PHACTR2: variants seen among roughly 807,000 people sequenced by gnomAD.
PHACTR2 encodes the protein chromosome 6 open reading frame 56.
Under a neutral mutation model 76.0 loss-of-function variants are expected in PHACTR2, and 30 were observed. The observed-to-expected ratio is 0.39, with a 90% confidence interval of 0.30 to 0.54. The LOEUF is 0.54. Among genes scored for constraint, PHACTR2 ranks in the 20% least tolerant of loss-of-function variants. PHACTR2 has a pLI of 0.61. For synonymous variants in PHACTR2, 292 were observed against 292.5 expected, an observed-to-expected ratio of 1.00 and a Z score of 0.02; for missense variants, 696 against 781.1, an observed-to-expected ratio of 0.89 and a Z score of 1.30.
intron 10 of PHACTR2, among the ~76,000 whole-genome samples, chr6:143,786,539 C>T (rs1775561352): frequency 6.6e-6 from 1 of 152,152 alleles, no homozygotes; most frequent in Admixed American, 6.5e-5. Flanking sequence ...AGGAACACCC[C>T]ACTCCTGGTA....
intron 1 of PHACTR2, among the ~76,000 whole-genome samples, chr6:143,703,876 G>T (rs769513600): frequency 1.4e-4 from 21 of 152,066 alleles, no homozygotes; most frequent in Non-Finnish European, 2.8e-4. Context: ...TAGATATTTA[G>T]ATCGTTTCTT....
intron 1 of PHACTR2, among the ~76,000 whole-genome samples, chr6:143,560,238 G>C (rs1775247740): frequency 6.6e-6 from 1 of 152,184 alleles, no homozygotes; most frequent in South Asian, 2.1e-4. Context: ...AGTACTCACA[G>C]AAAGGATTTT....
intron 1 of PHACTR2, among the ~76,000 whole-genome samples, chr6:143,590,328 G>A (rs1775676179): frequency 6.6e-6 from 1 of 152,094 alleles, no homozygotes; most frequent in African/African-American, 2.4e-5. Context: ...ACATCACAGT[G>A]TTTCATGCAA....
In PHACTR2 at chr6:143,708,514, C is replaced by T. The variant is rs1208394907; in HGVS notation, c.47-3502C>T. Among the ~76,000 whole-genome samples the T allele has an allele frequency of 2.6e-5, 4 of 152,136 alleles. No homozygotes were observed. The highest frequency in any genetic ancestry group is 3.8e-4 in the East Asian group (2 of 5,198). ...TCTGGGATTTACCTGGCAGTTTGTTCTTATCTGCATGTAAATGCAAAATTC... is the reference window on the plus strand; with the variant it reads ...TCTGGGATTTACCTGGCAGTTTGTTTTTATCTGCATGTAAATGCAAAATTC... On this transcript the variant is annotated intron_variant, in intron 1 of 12. Transcript: ENST00000440869. The surrounding 1 kb of genome is among the most constrained non-coding windows in gnomAD (Gnocchi z 5.5).
chr6:143,791,372 T>C lies in PHACTR2; in HGVS notation c.1845+2462T>C, dbSNP rs1377678960. Among the ~76,000 whole-genome samples, 1 of 152,220 alleles carries C rather than the reference T, an allele frequency of 6.6e-6. No homozygotes were observed. The highest frequency in any genetic ancestry group is 1.5e-5 in the Non-Finnish European group (1 of 68,048). Reference sequence around the variant, plus strand: ...ACAAGCACTGAAGGTTAGAAATGACTCTGTGTGTCAGTGATTTGCAACCTT... The same window carrying C: ...ACAAGCACTGAAGGTTAGAAATGACCCTGTGTGTCAGTGATTTGCAACCTT... On this transcript the variant is annotated intron_variant, in intron 11 of 12. Coordinates refer to ENST00000440869, the MANE Select transcript of PHACTR2 (RefSeq NM_001100164.2). This position sits in a 1 kb window ranked among gnomAD's most constrained non-coding sequence, Gnocchi z 4.7.
At chr6:143,574,854 T>G (rs1775487125) in intron 1 of PHACTR2, among the ~76,000 whole-genome samples, 1 of 152,124 alleles carries the variant, frequency 6.6e-6, no homozygotes. Flanking sequence ...TTTTAAAAAC[T>G]AAAGGCGTGG....
At chr6:143,651,344 A>G (rs74699697) in intron 1 of PHACTR2, among the ~76,000 whole-genome samples, 307 of 152,352 alleles carry the variant, frequency 2.0e-3, no homozygotes, top group African/African-American at 7.0e-3. Context: ...TACTGGGTGT[A>G]TACCCAAAGA....
chr6:143,687,330 A>G (rs2128455089), intron 1 of PHACTR2, among the ~76,000 whole-genome samples: 1 of 152,356 alleles, frequency 6.6e-6, no homozygotes, highest in Non-Finnish European at 1.5e-5. Context: ...GGAAACAAGA[A>G]TTGTAAGAAT....
chr6:143,721,599 T>G (rs1232779299), intron 2 of PHACTR2, among the ~76,000 whole-genome samples: 1 of 151,890 alleles, frequency 6.6e-6, no homozygotes, highest in Admixed American at 6.6e-5. Context: ...TGTGTTGGCC[T>G]GAAACAAATT....
intron 1 of PHACTR2, among the ~76,000 whole-genome samples, chr6:143,545,511 TC>T (rs1179074396): frequency 6.6e-6 from 1 of 152,148 alleles, no homozygotes; most frequent in Non-Finnish European, 1.5e-5. Context: ...CTGCATTATT[TC>T]CCCACATGAT....
rs569024387 is a variant in PHACTR2 at position 143,777,597 on chromosome 6, G to A, written c.1645+214G>A. Among the ~76,000 whole-genome samples, 22 of 151,606 alleles carry A rather than the reference G, an allele frequency of 1.5e-4. No homozygotes were observed. In the South Asian group the frequency reaches 1.7e-3, roughly 11 times the overall value. On this transcript the variant is annotated intron_variant, in intron 9 of 12. Coordinates refer to ENST00000440869, the MANE Select transcript of PHACTR2 (RefSeq NM_001100164.2). The surrounding 1 kb of genome is among the most constrained non-coding windows in gnomAD (Gnocchi z 4.6). Reference sequence around the variant, plus strand: ...TTTTATGGCTTTGAGCCTTATACCCGCCCCTAGAGCAGAGTCATGGTCATG... The same window carrying A: ...TTTTATGGCTTTGAGCCTTATACCCACCCCTAGAGCAGAGTCATGGTCATG...
Position 143,784,051 on chromosome 6 carries a change from A to G in PHACTR2, c.1707+771A>G, listed in dbSNP as rs1231463130. ...TTAGAACAATGAAAAAAAAAAAGAAAAAAAGAAGTGAAAAAAGTTTTTAAT... is the reference window on the plus strand; with the variant it reads ...TTAGAACAATGAAAAAAAAAAAGAAGAAAAGAAGTGAAAAAAGTTTTTAAT... On this transcript the variant is annotated intron_variant, in intron 10 of 12. Coordinates refer to ENST00000440869, the MANE Select transcript of PHACTR2 (RefSeq NM_001100164.2). This position sits in a 1 kb window ranked among gnomAD's most constrained non-coding sequence, Gnocchi z 4.5. Among the ~76,000 whole-genome samples, 1 of 152,128 alleles carries G rather than the reference A, an allele frequency of 6.6e-6. No individual in the cohort carries two copies. Among genetic ancestry groups the G allele is most frequent in the Non-Finnish European group, 1.5e-5 (1 of 68,016 alleles).
intron 1 of PHACTR2, among the ~76,000 whole-genome samples, chr6:143,609,273 A>G (rs1775938987): frequency 6.6e-6 from 1 of 152,248 alleles, no homozygotes; most frequent in African/African-American, 2.4e-5. Context: ...CGGCACAGGT[A>G]GCATAGGCTA....
chr6:143,611,228 A>T lies in PHACTR2; in HGVS notation c.13+2906A>T, dbSNP rs915974715. ...TTGATATCAAGATATTTCAGTTACC[A>T]TGTGTGGGTTGAAAGAGCCACACTC... On this transcript the variant is annotated intron_variant, in intron 1 of 11. Coordinates refer to the PHACTR2 transcript ENST00000305766. The surrounding 1 kb of genome is among the most constrained non-coding windows in gnomAD (Gnocchi z 4.4). Among the ~76,000 whole-genome samples, 8 of 152,072 alleles carry T rather than the reference A, an allele frequency of 5.3e-5. No homozygotes were observed. Among genetic ancestry groups the T allele is most frequent in the African/African-American group, 1.9e-4 (8 of 41,396 alleles).
chr6:143,673,453 T>A (rs967599878), upstream of PHACTR2, among the ~76,000 whole-genome samples: 1 of 152,042 alleles, frequency 6.6e-6, no homozygotes, highest in East Asian at 1.9e-4. Flanking sequence ...TTTCTAGGGA[T>A]GGATGTGATG....
At position 143,589,123 on chromosome 6, in the gene PHACTR2, G is replaced by A. The variant is rs1775660804; in HGVS notation, c.217+51916G>A. ...CTGGAGGCTGGAAGTCCAAGATCAAGGTGTTAGCAGGTATGGTCTCTTCCT... is the reference window on the plus strand; with the variant it reads ...CTGGAGGCTGGAAGTCCAAGATCAAAGTGTTAGCAGGTATGGTCTCTTCCT... On this transcript the variant is annotated intron_variant, in intron 1 of 11. Coordinates refer to the PHACTR2 transcript ENST00000367584. This position sits in a 1 kb window ranked among gnomAD's most constrained non-coding sequence, Gnocchi z 4.4. 6.6e-6 allele frequency among the ~76,000 whole-genome samples: 1 copy of A among 152,200 alleles called. No individual in the cohort carries two copies. Among genetic ancestry groups the A allele is most frequent in the Non-Finnish European group, 1.5e-5 (1 of 68,038 alleles).
In PHACTR2 at chr6:143,672,125, G is replaced by C. The variant is rs1457598627; in HGVS notation, c.14-39891G>C. Among the ~76,000 whole-genome samples, 1 of 152,120 alleles carries C rather than the reference G, an allele frequency of 6.6e-6. No individual in the cohort carries two copies. The highest frequency in any genetic ancestry group is 1.5e-5 in the Non-Finnish European group (1 of 68,028). On this transcript the variant is annotated intron_variant, in intron 1 of 11. Transcript: ENST00000305766. This position sits in a 1 kb window ranked among gnomAD's most constrained non-coding sequence, Gnocchi z 5.8. ...AAAGGACATGATGGAATACCTTAGG[G>C]ATCTCAAAGTTTTCTGACACTTGAG...
rs1775738595 is a variant in PHACTR2, at chr6:143,595,536, C to G, written c.217+58329C>G. ...CTAACATATTTTTAATTCAGACTTT[C>G]ACAGAGCAAGCTATAAGGTGTGTCT... is the stretch of plus-strand genomic sequence containing the variant. On this transcript the variant is annotated intron_variant, in intron 1 of 11. Coordinates refer to the PHACTR2 transcript ENST00000367584. The surrounding 1 kb of genome is among the most constrained non-coding windows in gnomAD (Gnocchi z 4.2). Among the ~76,000 whole-genome samples the G allele has an allele frequency of 1.3e-5, 2 of 152,208 alleles. No individual in the cohort carries two copies. Among genetic ancestry groups the G allele is most frequent in the Admixed American group, 1.3e-4 (2 of 15,282 alleles).
intron 6 of PHACTR2, among the ~76,000 whole-genome samples, chr6:143,769,267 T>C (rs1483076017): frequency 6.6e-6 from 1 of 152,156 alleles, no homozygotes; most frequent in Non-Finnish European, 1.5e-5. Context: ...ATAAGCCCAT[T>C]TGGAGGCCAT....
Sources: allele counts gnomAD v4.1 joint callset (sites outside exome capture counted in the v4.1 genomes callset), GRCh38; gene constraint gnomAD v4.1.1; non-coding constraint Gnocchi (gnomAD v3.1); transcripts MANE v1.5; gene names NCBI Gene and HGNC (gene_info 2026-07-23, HGNC 2026-07-21).